Variants in DPYSL3 observed in about 807,000 individuals in gnomAD.
The protein encoded by DPYSL3 is dihydropyrimidinase-related protein 3.
Under a neutral mutation model 66.1 loss-of-function variants are expected in DPYSL3, and 16 were observed. The observed-to-expected ratio is 0.24, with a 90% CI of 0.16 to 0.37. The LOEUF (loss-of-function observed/expected upper bound fraction) is 0.37, where lower values mean the gene tolerates loss of function less well. Among genes scored for constraint, DPYSL3 ranks in the 10% least tolerant of loss-of-function variants. DPYSL3 has a pLI of 1.00. For missense variants in DPYSL3, 738 were observed against 916.2 expected (o/e 0.81, Z 2.51); for synonymous variants, 338 against 345.1 (o/e 0.98, Z 0.23).
intron 2 of DPYSL3, among the ~76,000 whole-genome samples, chr5:147,423,936 T>G (rs1448728277): frequency 6.6e-6 from 1 of 152,124 alleles, no homozygotes; most frequent in African/African-American, 2.4e-5. Flanking sequence ...CAGGCTGATC[T>G]CATACTCCTG....
chr5:147,416,084 C>T (rs1387580459), intron 3 of DPYSL3, among the ~76,000 whole-genome samples: 2 of 152,106 alleles, frequency 1.3e-5, no homozygotes, highest in Non-Finnish European at 2.9e-5. Context: ...ACTAGCTTCC[C>T]TAAATCTCAG....
chr5:147,504,161 C>T (rs1753653221), intron 1 of DPYSL3, among the ~76,000 whole-genome samples: 1 of 152,152 alleles, frequency 6.6e-6, no homozygotes, highest in Non-Finnish European at 1.5e-5. Flanking sequence ...AATAAATCAC[C>T]AGGAGAATCA....
intron 1 of DPYSL3, among the ~76,000 whole-genome samples, chr5:147,502,431 C>T (rs1192414514): frequency 2.0e-5 from 3 of 151,730 alleles, no homozygotes; most frequent in Non-Finnish European, 2.9e-5. Context: ...AAAATACACT[C>T]CTAGGTTAAT....
At chr5:147,456,747 C>T (rs1752859199) in intron 1 of DPYSL3, among the ~76,000 whole-genome samples, 1 of 151,892 alleles carries the variant, frequency 6.6e-6, no homozygotes, top group Non-Finnish European at 1.5e-5. Flanking sequence ...TCTGCCACCA[C>T]ACCTGGCTAA....
At position 147,430,242 on chromosome 5, in the gene DPYSL3, T is replaced by A. The variant is rs572635908; in HGVS notation, c.382-5279A>T. On this transcript the variant is annotated intron_variant, in intron 1 of 13. Transcript: ENST00000343218. The stretch of plus-strand genomic sequence containing the variant: ...CAGGTGTGGCGGCTCACGCCTGTAA[T>A]CCCAGCATTTTGGGAGGCCGAGGCG... 3.2e-4 allele frequency among the ~76,000 whole-genome samples: 49 copies of A among 151,974 alleles called. No individual in the cohort carries two copies. In the East Asian group the frequency reaches 8.6e-3, roughly 27 times the overall value.
At chr5:147,441,248 TC>T (rs1477526398) in intron 1 of DPYSL3, among the ~76,000 whole-genome samples, 2 of 152,168 alleles carry the variant, frequency 1.3e-5, no homozygotes, top group Non-Finnish European at 2.9e-5. Context: ...AAACTTATCT[TC>T]CCAAAGTTAT....
intron 1 of DPYSL3, among the ~76,000 whole-genome samples, chr5:147,461,119 A>G (rs1316093183): frequency 1.3e-5 from 2 of 152,208 alleles, no homozygotes; most frequent in Non-Finnish European, 1.5e-5. Context: ...AGCTGTCCCA[A>G]CAGAAAAGGG....
intron 10 of DPYSL3, among the ~76,000 whole-genome samples, chr5:147,399,480 C>CATA (rs1403180023): frequency 1.7e-3 from 238 of 141,920 alleles, no homozygotes; most frequent in African/African-American, 5.7e-3. Context: ...AGTTACTGCC[C>CATA]CTGAAGTATG....
chr5:147,461,531 C>T (rs1017370834), intron 1 of DPYSL3, among the ~76,000 whole-genome samples: 4 of 152,114 alleles, frequency 2.6e-5, no homozygotes, highest in Non-Finnish European at 5.9e-5. Flanking sequence ...GTGTCCATGT[C>T]TTAGTTTTCC....
chr5:147,503,570 G>T (rs1753644786), intron 1 of DPYSL3, among the ~76,000 whole-genome samples: 1 of 152,176 alleles, frequency 6.6e-6, no homozygotes, highest in South Asian at 2.1e-4. Context: ...GGGATTACAG[G>T]CATGAGCCAC....
At chr5:147,428,329 A>C (rs1216613005) in intron 1 of DPYSL3, among the ~76,000 whole-genome samples, 1 of 152,062 alleles carries the variant, frequency 6.6e-6, no homozygotes, top group South Asian at 2.1e-4. Context: ...AGCTCAAATA[A>C]ATGCTTCCTC....
At chr5:147,495,109 C>T (rs538779555) in intron 1 of DPYSL3, among the ~76,000 whole-genome samples, 22 of 152,170 alleles carry the variant, frequency 1.4e-4, no homozygotes, top group African/African-American at 4.6e-4. Flanking sequence ...GATTTCCTGG[C>T]GAATTCTACC....
intron 1 of DPYSL3, among the ~76,000 whole-genome samples, chr5:147,494,133 C>T (rs1488891489): frequency 6.6e-6 from 1 of 151,826 alleles, no homozygotes; most frequent in Non-Finnish European, 1.5e-5. Context: ...GCGGAGGTGT[C>T]TAAGAAGAAA....
intron 6 of DPYSL3, 119 bp downstream of exon 6, chr5:147,412,489 T>A (rs1198328023): frequency 1.0e-6 from 1 of 989,024 alleles, no homozygotes; most frequent in African/African-American, 1.6e-5. Flanking sequence ...GGTTCTGTCT[T>A]TAGCAAGGTA....
chr5:147,402,350 T>TATCATG (rs1561773455), intron 8 of DPYSL3, among the ~76,000 whole-genome samples: 20 of 145,932 alleles, frequency 1.4e-4, no homozygotes, highest in African/African-American at 5.3e-4. Flanking sequence ...ACTTTTTTTT[T>TATCATG]TTTCTTTTTT....
In DPYSL3 at chr5:147,397,659, T is replaced by C; in HGVS notation, c.1803+7A>G. Reference sequence around the variant, plus strand: ...CTGCACCACCTCAGAGCTCCAATGCTTTTTACCTTCCTCCGTGCTTTAATG... The same window carrying C: ...CTGCACCACCTCAGAGCTCCAATGCCTTTTACCTTCCTCCGTGCTTTAATG... On this transcript the variant is annotated splice_region_variant and intron_variant, in intron 12 of 13. Coordinates refer to ENST00000343218, the MANE Select transcript of DPYSL3 (RefSeq NM_001197294.2). 1 of 1,612,254 alleles carries C rather than the reference T, an allele frequency of 6.2e-7. No homozygotes were observed. The highest frequency in any genetic ancestry group is 8.5e-7 in the Non-Finnish European group (1 of 1,178,616).
chr5:147,446,340 G>T (rs780904341), intron 1 of DPYSL3, among the ~76,000 whole-genome samples: 3 of 152,174 alleles, frequency 2.0e-5, no homozygotes, highest in Non-Finnish European at 4.4e-5. Flanking sequence ...TCCTTATTCC[G>T]CATCCAAGAA....
In DPYSL3 at chr5:147,415,725, G is replaced by C; in HGVS notation, c.804C>G (p.Asn268Lys). ...WNDSVKQEVQ[N>K]LIKDKGVNSF... ...CGGGCTCACCTTTGTCCTTGATGAG[G>C]TTCTGCACTTCCTGCTTGACGCTGT... The change falls in exon 4 of 14, where the codon AAC (asparagine) becomes AAG (lysine). Residue 268 changes from asparagine (N) to lysine (K), a missense_variant. Coordinates refer to ENST00000343218, the MANE Select transcript of DPYSL3 (RefSeq NM_001197294.2). 1 of 1,613,992 alleles carries C rather than the reference G, an allele frequency of 6.2e-7. No homozygotes were observed.
chr5:147,474,065 A>T (rs1209765524), intron 1 of DPYSL3, among the ~76,000 whole-genome samples: 1 of 152,114 alleles, frequency 6.6e-6, no homozygotes, highest in Non-Finnish European at 1.5e-5. Context: ...TTGCTTTATG[A>T]AATGGAAATA....
Sources: gnomAD v4.1 joint callset for allele counts (sites outside exome capture counted in the v4.1 genomes callset) on GRCh38, gnomAD v4.1.1 for gene constraint, MANE v1.5 for transcripts, NCBI Gene and HGNC (gene_info 2026-07-23, HGNC 2026-07-21) for gene names.